FAM53C: variants seen among roughly 807,000 people sequenced by gnomAD.
FAM53C encodes protein FAM53C.
A neutral mutation model predicts 34.7 loss-of-function variants in FAM53C; 10 were observed. The ratio of observed to expected loss-of-function variants is 0.29; its 90% CI spans 0.18 to 0.49. FAM53C has a LOEUF of 0.49. Ranked by LOEUF, FAM53C falls within the 20% of genes least tolerant of loss-of-function variation. The pLI, the probability that FAM53C is intolerant of heterozygous loss-of-function variation, is 0.99. For synonymous variants in FAM53C, 203 were observed against 203.6 expected (o/e 1.00, Z 0.03); for missense variants, 442 against 515.3 (o/e 0.86, Z 1.38).
Position 138,347,113 on chromosome 5 carries a change from T to C in FAM53C, c.*154T>C. 5.6e-6 allele frequency: 6 copies of C among 1,072,854 alleles called. No homozygotes were observed. Among genetic ancestry groups the C allele is most frequent in the Non-Finnish European group, 8.1e-6 (6 of 744,526 alleles). 66.5% of individuals were successfully genotyped at this position (1,072,854 alleles called of 1,614,324 possible). A position where few individuals can be genotyped will look rare whatever the true frequency, so the allele number is the denominator to read the frequency against. On this transcript the variant is annotated 3_prime_UTR_variant, in exon 5 of 5. Coordinates refer to ENST00000239906, the MANE Select transcript of FAM53C (RefSeq NM_016605.3). ...TGGAAATCTTCTCGCTCCAGCAAGC[T>C]CGACCATGCCAAGAGACTGGCCGGG...
At chr5:138,341,944 ACCAGGGC>A in intron 3 of FAM53C, 78 bp downstream of exon 3, 3 of 1,467,426 alleles carry the variant, frequency 2.0e-6, no homozygotes, top group Non-Finnish European at 2.9e-6. Flanking sequence ...GTTTCCAGTG[ACCAGGGC>A]TAGCGAGCCT....
At chr5:138,338,489 C>G (rs1327471963) in intron 1 of FAM53C, 182 bp downstream of exon 1, 1 of 297,568 alleles carries the variant, frequency 3.4e-6, no homozygotes, top group Non-Finnish European at 6.5e-6. Context: ...AAGTCCCAGA[C>G]CCTCCCCATC....
rs1223209357 is a variant in FAM53C, at chr5:138,349,322, T to C, written c.*2363T>C. On this transcript the variant is annotated 3_prime_UTR_variant, in exon 5 of 5. Transcript: ENST00000239906. ...GCAACCTCCCTCCACTTTAGCTGTT[T>C]TGACTATTTGAATTTTCACATATTG... 6.5e-6 allele frequency: 1 copy of C among 152,698 alleles called. No homozygotes were observed. The highest frequency in any genetic ancestry group is 1.9e-4 in the East Asian group (1 of 5,202). The allele number at this position is 152,698 out of a possible 1,614,324, so 9.5% of individuals were successfully genotyped here.
In FAM53C at chr5:138,347,226, A is replaced by G; in HGVS notation, c.*267A>G. 2.0e-6 allele frequency: 1 copy of G among 497,574 alleles called. No homozygotes were observed. Among genetic ancestry groups the G allele is most frequent in the Non-Finnish European group, 3.6e-6 (1 of 279,098 alleles). 30.8% of individuals were successfully genotyped at this position (497,574 alleles called of 1,614,324 possible). ...CCTGAGTGTGAGTATCCCTGCCACCAAGAGAGCAATGGGCAGGGAAGGAAG... is the reference window on the plus strand; with the variant it reads ...CCTGAGTGTGAGTATCCCTGCCACCGAGAGAGCAATGGGCAGGGAAGGAAG... On this transcript the variant is annotated 3_prime_UTR_variant, in exon 5 of 5. Transcript: ENST00000239906.
At chr5:138,337,877 G>A, upstream of FAM53C, 5 of 1,047,870 alleles carry the variant, frequency 4.8e-6, no homozygotes, top group African/African-American at 3.3e-5. Flanking sequence ...GGCTAATTGC[G>A]TGACGCGGCC....
In FAM53C at chr5:138,344,945, C is replaced by G. The variant is rs760261886; in HGVS notation, c.257C>G (p.Ser86Cys). ...CTCAGACCACCCAGTCGGGGAAACT[C>G]CCCCAAGGAGCAGCCCTTCTCCCAA... Reference protein sequence around the residue: ...LHLRPPSRGNSPKEQPFSQVL... With the variant: ...LHLRPPSRGNCPKEQPFSQVL... The change falls in exon 4 of 5, where the codon TCC becomes TGC. Residue 86 changes from serine (S) to cysteine (C), a missense_variant. Coordinates refer to ENST00000239906, the MANE Select transcript of FAM53C (RefSeq NM_016605.3). The G allele has an allele frequency of 6.2e-7, 1 of 1,614,128 alleles. No individual in the cohort carries two copies. Among genetic ancestry groups the G allele is most frequent in the South Asian group, 1.1e-5 (1 of 91,076 alleles).
chr5:138,343,119 G>A (rs962028388), intron 3 of FAM53C: 3 of 151,916 alleles, frequency 2.0e-5, no homozygotes, highest in African/African-American at 7.3e-5. Context: ...GTTATATATA[G>A]CTACATATTA....
At chr5:138,341,491 C>A in intron 2 of FAM53C, 78 bp downstream of exon 2, 1 of 1,278,648 alleles carries the variant, frequency 7.8e-7, no homozygotes, top group Non-Finnish European at 1.1e-6. Flanking sequence ...TTACTTTACT[C>A]TTGTCCTGTG....
intron 3 of FAM53C, 145 bp from the exon 4 acceptor site, chr5:138,344,680 T>G: frequency 1.7e-6 from 1 of 597,172 alleles, no homozygotes; most frequent in Non-Finnish European, 2.8e-6. Context: ...ATCTGTGAAA[T>G]GGGGATAATG....
intron 3 of FAM53C, chr5:138,342,158 GTC>G (rs1761049772): frequency 2.6e-6 from 1 of 385,912 alleles, no homozygotes. Flanking sequence ...GCTGAGAAAA[GTC>G]TCTCTTACTC....
rs1761196583 is a variant in FAM53C, at chr5:138,346,925, G to C, written c.1145G>C (p.Gly382Ala). Reference sequence around the variant, plus strand: ...CGGACACTGTGCCAGCGGGACTTTGGGGACCTGGACTTGAATTTGATTGAG... The same window carrying C: ...CGGACACTGTGCCAGCGGGACTTTGCGGACCTGGACTTGAATTTGATTGAG... ...SKRTLCQRDF[G>A]DLDLNLIEEN The change falls in exon 5 of 5, where the codon GGG becomes GCG. Residue 382 changes from glycine to alanine, a missense_variant. By Grantham distance (60) the Gly-to-Ala change is moderately conservative (BLOSUM62 0). Coordinates refer to ENST00000239906, the MANE Select transcript of FAM53C (RefSeq NM_016605.3). The C allele has an allele frequency of 1.2e-6, 2 of 1,614,162 alleles. No homozygotes were observed. The highest frequency in any genetic ancestry group is 1.7e-6 in the Non-Finnish European group (2 of 1,180,040).
chr5:138,342,586 G>T (rs1356819796), intron 3 of FAM53C: 1 of 152,340 alleles, frequency 6.6e-6, no homozygotes, highest in East Asian at 1.9e-4. Flanking sequence ...AATTAGCCAG[G>T]CGTCGTGGCG....
upstream of FAM53C, chr5:138,338,265 C>G (rs79586488): frequency 9.7e-3 from 9,855 of 1,012,078 alleles, 73 homozygotes; most frequent in Non-Finnish European, 0.011. Context: ...ACCGAGCGCT[C>G]AGAGCTGCTC....
rs1025208548 is a variant in FAM53C at position 138,338,737 on chromosome 5, AC to A, written c.-153+434del. ...GGGGGAGGGGTGTTCCCCACTTGTC[AC>A]CCCTTTCCCCACCAGAACCATATGG... is the stretch of plus-strand genomic sequence containing the variant. On this transcript the variant is annotated intron_variant, in intron 1 of 4. Coordinates refer to ENST00000239906, the MANE Select transcript of FAM53C (RefSeq NM_016605.3). Among the ~76,000 whole-genome samples the A allele has an allele frequency of 1.2e-4, 18 of 151,924 alleles. No homozygotes were observed. The South Asian group carries it at 2.3e-3, about 19-fold the overall frequency.
intron 4 of FAM53C, among the ~76,000 whole-genome samples, chr5:138,346,344 C>T (rs962683520): frequency 3.7e-4 from 56 of 152,186 alleles, no homozygotes; most frequent in African/African-American, 1.3e-3. Flanking sequence ...AGTTTACAAA[C>T]GCCAGGCATG....
At chr5:138,339,158 T>C (rs1760939237) in intron 1 of FAM53C, among the ~76,000 whole-genome samples, 1 of 152,168 alleles carries the variant, frequency 6.6e-6, no homozygotes, top group Non-Finnish European at 1.5e-5. Context: ...ACTTGTTTAG[T>C]GAATATTCAG....
intron 1 of FAM53C, among the ~76,000 whole-genome samples, chr5:138,340,616 A>G (rs1327731542): frequency 1.3e-5 from 2 of 152,224 alleles, no homozygotes; most frequent in African/African-American, 4.8e-5. Context: ...TACCCTGACC[A>G]TTTCTTTATC....
rs961055956 is a variant in FAM53C, at chr5:138,347,889, C to T, written c.*930C>T. On this transcript the variant is annotated 3_prime_UTR_variant, in exon 5 of 5. Transcript: ENST00000239906. ...TCTCCTCTGCTGATGGGACCCTTTTCCCCTCACCCTCTGCCCTTCTAAGTC... is the reference window on the plus strand; with the variant it reads ...TCTCCTCTGCTGATGGGACCCTTTTTCCCTCACCCTCTGCCCTTCTAAGTC... 6.6e-6 allele frequency: 1 copy of T among 152,128 alleles called. No individual in the cohort carries two copies. Among genetic ancestry groups the T allele is most frequent in the Non-Finnish European group, 1.5e-5 (1 of 68,114 alleles). The allele number at this position is 152,128 out of a possible 1,614,324, so 9.4% of individuals were successfully genotyped here.
intron 1 of FAM53C, among the ~76,000 whole-genome samples, chr5:138,340,022 C>T (rs1172831870): frequency 6.6e-6 from 1 of 152,184 alleles, no homozygotes; most frequent in Non-Finnish European, 1.5e-5. Flanking sequence ...ACCCTATTGC[C>T]TTCTTCATCT....
Sources: allele counts gnomAD v4.1 joint callset (sites outside exome capture counted in the v4.1 genomes callset), GRCh38; gene constraint gnomAD v4.1.1; transcripts MANE v1.5; gene names NCBI Gene and HGNC (gene_info 2026-07-23, HGNC 2026-07-21).